Variants in TENM1 observed in about 807,000 individuals in gnomAD.
The protein encoded by TENM1 is teneurin transmembrane protein 1.
Under a neutral mutation model 174.8 loss-of-function variants are expected in TENM1, and 35 were observed. The ratio of observed to expected loss-of-function variants is 0.20; its 90% confidence interval spans 0.15 to 0.27. The LOEUF is 0.27. Ranked by LOEUF, TENM1 falls within the 10% of genes least tolerant of loss-of-function variation. The pLI, the probability that TENM1 is intolerant of heterozygous loss-of-function variation, is 1.00. For synonymous variants in TENM1, 781 were observed against 798.7 expected (o/e 0.98, Z 0.37); for missense variants, 1,633 against 2,130.1 (o/e 0.77, Z 4.59).
chrX:124,841,745 T>A (rs1049645572), intron 3 of TENM1, among the ~76,000 whole-genome samples: 1 of 111,470 alleles, frequency 9.0e-6, no homozygotes, highest in Non-Finnish European at 1.9e-5. Context: ...TCAGATGCTC[T>A]CAAACCACTG....
At chrX:124,515,114 G>C (rs991103321) in intron 18 of TENM1, among the ~76,000 whole-genome samples, 11 of 111,595 alleles carry the variant, frequency 9.9e-5, no homozygotes, top group Non-Finnish European at 1.7e-4. Flanking sequence ...GATCTCAACA[G>C]ATGCATAAAT....
At chrX:124,858,220 A>G (rs1929470577) in intron 3 of TENM1, among the ~76,000 whole-genome samples, 2 of 112,517 alleles carry the variant, frequency 1.8e-5, no homozygotes, top group African/African-American at 6.5e-5. Context: ...ACATGCTAAC[A>G]GATGTTTTCA....
At chrX:124,417,126 C>G (rs190100418) in intron 25 of TENM1, among the ~76,000 whole-genome samples, 2 of 112,400 alleles carry the variant, frequency 1.8e-5, no homozygotes, top group South Asian at 3.8e-4. Flanking sequence ...GGACATTCCA[C>G]TCTCCTAGTT....
intron 3 of TENM1, among the ~76,000 whole-genome samples, chrX:124,751,493 A>G (rs1036259887): frequency 1.9e-4 from 21 of 110,476 alleles, no homozygotes; most frequent in Middle Eastern, 9.3e-3. Context: ...TTTTCATTTT[A>G]TTTTATTATT....
the TENM1 span, among the ~76,000 whole-genome samples, chrX:125,163,501 G>C: frequency 1.8e-5 from 2 of 111,106 alleles, no homozygotes; most frequent in East Asian, 5.7e-4. Flanking sequence ...GGTAAAGTAA[G>C]TTTGACATGA....
chrX:125,174,153 C>T, the TENM1 span, among the ~76,000 whole-genome samples: 1 of 111,033 alleles, frequency 9.0e-6, no homozygotes, highest in East Asian at 2.8e-4. Context: ...ATGTGCTCAC[C>T]GTTAGAAACA....
chrX:124,445,007 C>A (rs1294766269), intron 23 of TENM1, among the ~76,000 whole-genome samples: 1 of 111,488 alleles, frequency 9.0e-6, no homozygotes, highest in Non-Finnish European at 1.9e-5. Flanking sequence ...GCGGCCTTAA[C>A]CAAGTTACTC....
chrX:124,931,335 C>T (rs1304315980), intron 1 of TENM1, among the ~76,000 whole-genome samples: 1 of 109,840 alleles, frequency 9.1e-6, no homozygotes, highest in Admixed American at 9.7e-5. Context: ...GACAGCCAAA[C>T]CTTTTTTTAA....
At position 124,645,204 on chromosome X, in the gene TENM1, G is replaced by A; in HGVS notation, c.1815C>T (p.Gly605=). ...AGATGCAGACTCCCATGATGCAGGT[G>A]CCGTGGCCAAAGCATGTTGGATCAA... is the stretch of plus-strand genomic sequence containing the variant. Residue 605 remains glycine, a synonymous_variant, in exon 10 of 32, where the codon GGC becomes GGT. Coordinates refer to ENST00000422452, the Ensembl canonical transcript of TENM1. 1 of 1,211,474 alleles carries A rather than the reference G, an allele frequency of 8.3e-7. No individual in the cohort carries two copies. The highest frequency in any genetic ancestry group is 1.1e-6 in the Non-Finnish European group (1 of 895,333).
chrX:124,634,752 C>T (rs776097094), intron 11 of TENM1, among the ~76,000 whole-genome samples: 30 of 111,699 alleles, frequency 2.7e-4, no homozygotes, highest in Admixed American at 1.8e-3. Context: ...TTTCAATAAA[C>T]GGGAGAACTA....
Position 124,538,744 on chromosome X carries a change from CTTCTGGGG to C in TENM1, c.2651+8122_2651+8129del, listed in dbSNP as rs200634147. Among the ~76,000 whole-genome samples, 999 of 111,687 alleles carry C rather than the reference CTTCTGGGG, an allele frequency of 8.9e-3. 3 individuals are homozygous for C. The highest frequency in any genetic ancestry group is 0.023 in the Middle Eastern group (5 of 216). On this transcript the variant is annotated intron_variant, in intron 15 of 31. Coordinates refer to ENST00000422452, the Ensembl canonical transcript of TENM1. ...AATTACAAATGTTTATGTTGTCGAC[CTTCTGGGG>C]TTACTCGTAGATAGACAAAACTGCA...
At chrX:124,942,642 G>A (rs1454800562) in intron 1 of TENM1, among the ~76,000 whole-genome samples, 1 of 111,543 alleles carries the variant, frequency 9.0e-6, no homozygotes, top group Admixed American at 9.5e-5. Context: ...ATTTAGAGGA[G>A]AACTAAATTC....
chrX:124,823,547 G>A (rs1450068301), intron 3 of TENM1, among the ~76,000 whole-genome samples: 2 of 110,678 alleles, frequency 1.8e-5, no homozygotes, highest in Non-Finnish European at 3.8e-5. Context: ...CCCGGCAAAG[G>A]AGAAAATTAA....
intron 3 of TENM1, among the ~76,000 whole-genome samples, chrX:124,791,668 A>T (rs914750835): frequency 5.1e-4 from 57 of 111,885 alleles, no homozygotes; most frequent in African/African-American, 1.8e-3. Context: ...AATGTAGATC[A>T]AAGTGGATTT....
intron 1 of TENM1, among the ~76,000 whole-genome samples, chrX:124,914,139 C>T (rs1175866048): frequency 8.9e-6 from 1 of 111,965 alleles, no homozygotes; most frequent in Non-Finnish European, 1.9e-5. Context: ...GGCAGAAAGG[C>T]TATGCATTCA....
the TENM1 span, among the ~76,000 whole-genome samples, chrX:125,173,185 T>C: frequency 9.0e-6 from 1 of 111,711 alleles, no homozygotes; most frequent in Admixed American, 9.5e-5. Context: ...CATTTCACCC[T>C]ATCAATATAA....
chrX:124,477,408 C>T (rs1034547969), intron 22 of TENM1, among the ~76,000 whole-genome samples: 5 of 111,994 alleles, frequency 4.5e-5, no homozygotes, highest in African/African-American at 1.6e-4. Flanking sequence ...CCATTGAATA[C>T]ATGTCCTCAG....
At chrX:124,736,859 G>C in intron 4 of TENM1, 98 bp downstream of exon 7, 1 of 1,052,972 alleles carries the variant, frequency 9.5e-7, no homozygotes, top group Non-Finnish European at 1.3e-6. Flanking sequence ...GCATTTGTGT[G>C]TCTCTGCAGA....
At chrX:124,585,677 A>G (rs1189072435) in intron 11 of TENM1, among the ~76,000 whole-genome samples, 1 of 111,132 alleles carries the variant, frequency 9.0e-6, no homozygotes, top group African/African-American at 3.3e-5. Context: ...GGCAAGAAAT[A>G]ACTAAAATTA....
Sources: gnomAD v4.1 joint callset for allele counts (sites outside exome capture counted in the v4.1 genomes callset) on GRCh38, gnomAD v4.1.1 for gene constraint, MANE v1.5 for transcripts, NCBI Gene and HGNC (gene_info 2026-07-23, HGNC 2026-07-21) for gene names.